Variants in CCR3 observed in about 807,000 individuals in gnomAD.
CCR3 encodes the protein C-C motif chemokine receptor 3, also known as C-C chemokine receptor type 3.
For missense variants in CCR3, 419 were observed against 437.5 expected (o/e 0.96, Z 0.38); for synonymous variants, 203 against 179.2 (o/e 1.13, Z -1.06).
In CCR3 at chr3:46,216,957, A is replaced by G. The variant is rs548349416; in HGVS notation, c.-68+6050A>G. ...ACAATAACACAATGAAAAAAAAGGT[A>G]TTCAGGCAACAACTAGCATGATGAA... On this transcript the variant is annotated intron_variant, in intron 2 of 3. Transcript: ENST00000357422. Among the ~76,000 whole-genome samples, 179 of 152,348 alleles carry G rather than the reference A, an allele frequency of 1.2e-3. 1 individual carries two copies. Among genetic ancestry groups the G allele is most frequent in the African/African-American group, 4.2e-3 (175 of 41,586 alleles).
chr3:46,247,807 T>A (rs1218116475), intron 1 of CCR3, among the ~76,000 whole-genome samples: 1 of 152,144 alleles, frequency 6.6e-6, no homozygotes, highest in Non-Finnish European at 1.5e-5. Context: ...TAAAGCTAAT[T>A]TGCCAGTCCT....
intron 2 of CCR3, among the ~76,000 whole-genome samples, chr3:46,217,826 G>A (rs1699792061): frequency 6.6e-6 from 1 of 151,828 alleles, no homozygotes; most frequent in South Asian, 2.1e-4. Flanking sequence ...GGTGCTAAGA[G>A]GAAAGTTCAT....
chr3:46,250,318 G>T (rs1471977802), intron 1 of CCR3, among the ~76,000 whole-genome samples: 2 of 152,034 alleles, frequency 1.3e-5, no homozygotes, highest in East Asian at 3.9e-4. Context: ...GGAAGAATTG[G>T]GACCTAGCTT....
intron 1 of CCR3, among the ~76,000 whole-genome samples, chr3:46,245,485 C>A (rs1700172290): frequency 6.6e-6 from 1 of 150,962 alleles, no homozygotes; most frequent in African/African-American, 2.4e-5. Context: ...AAACTTTGAT[C>A]CAGACCAAAG....
intron 2 of CCR3, among the ~76,000 whole-genome samples, chr3:46,213,997 C>A (rs1160417900): frequency 6.6e-6 from 1 of 152,212 alleles, no homozygotes; most frequent in East Asian, 1.9e-4. Flanking sequence ...AGATCCAGCT[C>A]CCCCACTTGC....
intron 1 of CCR3, among the ~76,000 whole-genome samples, chr3:46,259,366 T>G (rs1700482763): frequency 6.6e-6 from 1 of 152,200 alleles, no homozygotes; most frequent in Admixed American, 6.5e-5. Context: ...TTTACTATAA[T>G]GCAGTTGAAG....
intron 2 of CCR3, among the ~76,000 whole-genome samples, chr3:46,213,665 A>G (rs1196424020): frequency 6.6e-6 from 1 of 152,162 alleles, no homozygotes; most frequent in Non-Finnish European, 1.5e-5. Flanking sequence ...GCCCATGATC[A>G]TAGCTCCTGA....
chr3:46,215,799 C>T (rs1218347553), intron 2 of CCR3, among the ~76,000 whole-genome samples: 1 of 152,200 alleles, frequency 6.6e-6, no homozygotes, highest in Non-Finnish European at 1.5e-5. Flanking sequence ...CACAGAGCAA[C>T]CCAGCACACC....
chr3:46,219,291 C>A (rs1296482534), intron 2 of CCR3, among the ~76,000 whole-genome samples: 1 of 152,236 alleles, frequency 6.6e-6, no homozygotes, highest in African/African-American at 2.4e-5. Flanking sequence ...GGTGAAAGAT[C>A]TCTACAGGGA....
At chr3:46,245,802 C>T (rs1194444675) in intron 1 of CCR3, among the ~76,000 whole-genome samples, 1 of 152,086 alleles carries the variant, frequency 6.6e-6, no homozygotes, top group Admixed American at 6.6e-5. Context: ...CAGAACATGT[C>T]GTATTTGGTT....
chr3:46,262,783 T>G (rs1700551370), intron 1 of CCR3, among the ~76,000 whole-genome samples: 1 of 152,146 alleles, frequency 6.6e-6, no homozygotes. Flanking sequence ...GCCCCCCAAG[T>G]AGTTGGGACC....
intron 1 of CCR3, among the ~76,000 whole-genome samples, chr3:46,242,980 C>CATATATGTATAT (rs758465669): frequency 1.0e-5 from 1 of 98,914 alleles, no homozygotes; most frequent in Non-Finnish European, 2.0e-5. Context: ...TATATATATA[C>CATATATGTATAT]ACATATATAT....
chr3:46,211,733 G>A (rs558261710), intron 2 of CCR3, among the ~76,000 whole-genome samples: 38 of 152,072 alleles, frequency 2.5e-4, no homozygotes, highest in South Asian at 1.0e-3. Context: ...TAGAACACAC[G>A]CACACACACA....
chr3:46,236,892 C>T (rs547369404), intron 2 of CCR3, among the ~76,000 whole-genome samples: 39 of 152,258 alleles, frequency 2.6e-4, no homozygotes, highest in African/African-American at 7.2e-4. Flanking sequence ...AAAGTTGTCC[C>T]GCAGGCAGCT....
In CCR3 at chr3:46,261,340, G is replaced by A. The variant is rs1225723383; in HGVS notation, c.-11-3808G>A. On this transcript the variant is annotated intron_variant, in intron 1 of 1. Coordinates refer to ENST00000395940, the MANE Select transcript of CCR3 (RefSeq NM_178329.3). ...ATCTAATAAATCTACAATAAAAAGT[G>A]TCTCTAGCACAGAAATAAGATATCA... Among the ~76,000 whole-genome samples, 3 of 152,180 alleles carry A rather than the reference G, an allele frequency of 2.0e-5. No homozygotes were observed. In the East Asian group the frequency reaches 5.8e-4, roughly 29 times the overall value.
intron 1 of CCR3, among the ~76,000 whole-genome samples, chr3:46,245,466 TA>T (rs572869147): frequency 1.7e-4 from 24 of 141,286 alleles, no homozygotes; most frequent in East Asian, 4.0e-4. Flanking sequence ...ACCCTTTAAT[TA>T]AAAAAAAAAA....
chr3:46,216,585 T>C (rs1699778262), intron 2 of CCR3, among the ~76,000 whole-genome samples: 1 of 152,176 alleles, frequency 6.6e-6, no homozygotes, highest in Non-Finnish European at 1.5e-5. Flanking sequence ...TCTTAAGAGC[T>C]GTGAGGCGAA....
chr3:46,265,574 T>G lies in CCR3; in HGVS notation c.416T>G (p.Val139Gly). 6.2e-7 allele frequency: 1 copy of G among 1,614,156 alleles called. No individual in the cohort carries two copies. The highest frequency in any genetic ancestry group is 8.5e-7 in the Non-Finnish European group (1 of 1,180,012). The change falls in exon 2 of 2, where the codon GTG (valine) becomes GGG (glycine). Residue 139 changes from valine (V) to glycine (G), a missense_variant. Physicochemically the swap from Val to Gly is moderately radical, Grantham distance 109. Transcript: ENST00000395940. ...IDRYLAIVHA[V>G]FALRARTVTF... ...AGGTACCTGGCCATTGTCCATGCTGTGTTTGCCCTTCGAGCCCGGACTGTC... is the reference window on the plus strand; with the variant it reads ...AGGTACCTGGCCATTGTCCATGCTGGGTTTGCCCTTCGAGCCCGGACTGTC...
intron 1 of CCR3, among the ~76,000 whole-genome samples, chr3:46,244,896 T>C (rs748395307): frequency 6.6e-6 from 1 of 152,194 alleles, no homozygotes; most frequent in Admixed American, 6.5e-5. Flanking sequence ...GTGGAAGCAC[T>C]GGGTCCCAGA....
Sources: allele counts gnomAD v4.1 joint callset (sites outside exome capture counted in the v4.1 genomes callset), GRCh38; gene constraint gnomAD v4.1.1; transcripts MANE v1.5; gene names NCBI Gene and HGNC (gene_info 2026-07-23, HGNC 2026-07-21).